RANBP3L: variants seen among roughly 807,000 people sequenced by gnomAD.
RANBP3L encodes ran-binding protein 3-like.
RANBP3L carries 56 observed loss-of-function variants against 67.2 expected under a neutral mutation model. The observed-to-expected ratio is 0.83, with a 90% CI of 0.67 to 1.04. RANBP3L has a LOEUF of 1.04. RANBP3L is among the 50% of genes least tolerant of loss of function. RANBP3L has a pLI of 0.00. For missense variants in RANBP3L, 496 were observed against 535.5 expected (o/e 0.93, Z 0.73); for synonymous variants, 164 against 181.4 (o/e 0.90, Z 0.77).
chr5:36,253,968 T>C (rs1462587780), intron 11 of RANBP3L, among the ~76,000 whole-genome samples, 179 bp from the exon 12 acceptor site: 1 of 152,132 alleles, frequency 6.6e-6, no homozygotes, highest in Non-Finnish European at 1.5e-5. Context: ...TGGGAGAACT[T>C]TTTTATCTTA....
At chr5:36,286,126 T>C (rs1751310791) in intron 1 of RANBP3L, among the ~76,000 whole-genome samples, 1 of 152,190 alleles carries the variant, frequency 6.6e-6, no homozygotes, top group African/African-American at 2.4e-5. Flanking sequence ...TGTTTGCTAA[T>C]TAATGTTTGT....
rs377766260 is a variant in RANBP3L, at chr5:36,269,372, A to G, written c.268+18T>C. 2.0e-5 allele frequency: 28 copies of G among 1,387,708 alleles called. No individual in the cohort carries two copies. The Middle Eastern group carries it at 1.2e-3, about 62-fold the overall frequency. 86.0% of individuals were successfully genotyped at this position (1,387,708 alleles called of 1,614,324 possible). A position where few individuals can be genotyped will look rare whatever the true frequency, so the allele number is the denominator to read the frequency against. On this transcript the variant is annotated intron_variant, in intron 4 of 13. Transcript: ENST00000296604. ...ATAAACATAACAGTGAATAGTCAAC[A>G]GTCAAGGCTATACATACCTCCCTGG... is the stretch of plus-strand genomic sequence containing the variant.
chr5:36,277,436 ATATATG>A (rs1449534622), intron 1 of RANBP3L, among the ~76,000 whole-genome samples: 21 of 93,544 alleles, frequency 2.2e-4, no homozygotes, highest in African/African-American at 8.6e-4. Flanking sequence ...ATATATATAT[ATATATG>A]TGTGTGTGTG....
intron 4 of RANBP3L, among the ~76,000 whole-genome samples, chr5:36,268,003 G>A (rs186915138): frequency 1.3e-5 from 2 of 152,234 alleles, no homozygotes; most frequent in Admixed American, 1.3e-4. Flanking sequence ...TCTACCAAAG[G>A]TAAAAACATA....
In RANBP3L at chr5:36,257,535, G is replaced by T; in HGVS notation, c.691C>A (p.Pro231Thr). The T allele has an allele frequency of 6.3e-7, 1 of 1,576,108 alleles. No individual in the cohort carries two copies. The highest frequency in any genetic ancestry group is 8.7e-7 in the Non-Finnish European group (1 of 1,155,232). Residue 231 changes from proline to threonine, a missense_variant, in exon 9 of 14, where the codon CCT (proline) becomes ACT (threonine). Coordinates refer to ENST00000296604, the MANE Select transcript of RANBP3L (RefSeq NM_145000.5). ...RVLGTQKLTQ[P>T]QLENDSYAKE... ...GCATATGAATCATTTTCAAGTTGAGGCTGGGTGAGTTTTTGAGTACCCTGA... is the reference window on the plus strand; with the variant it reads ...GCATATGAATCATTTTCAAGTTGAGTCTGGGTGAGTTTTTGAGTACCCTGA...
At chr5:36,275,344 T>A (rs1750498669) in intron 1 of RANBP3L, among the ~76,000 whole-genome samples, 1 of 152,220 alleles carries the variant, frequency 6.6e-6, no homozygotes, top group Admixed American at 6.5e-5. Context: ...ATACCATTAG[T>A]AAGTGGCAAC....
At chr5:36,271,101 A>G (rs570755811) in intron 2 of RANBP3L, 152 bp downstream of exon 2, 52 of 608,114 alleles carry the variant, frequency 8.6e-5, no homozygotes, top group Non-Finnish European at 1.3e-4. Context: ...AAGTTTGTAA[A>G]TCCTGACTAT....
At position 36,255,383 on chromosome 5, in the gene RANBP3L, C is replaced by T. The variant is rs376752451; in HGVS notation, c.1024+87G>A. 62 of 1,289,736 alleles carry T rather than the reference C, an allele frequency of 4.8e-5. No individual in the cohort carries two copies. In the African/African-American group the frequency reaches 7.2e-4, roughly 15 times the overall value. The allele number at this position is 1,289,736 out of a possible 1,614,324, so 79.9% of individuals were successfully genotyped here. A position where few individuals can be genotyped will look rare whatever the true frequency, so the allele number is the denominator to read the frequency against. On this transcript the variant is annotated intron_variant, in intron 11 of 13. Coordinates refer to ENST00000296604, the MANE Select transcript of RANBP3L (RefSeq NM_145000.5). ...TTTTGGTGTATTTTATAGCACATCTCCAGAAAATGATGTGTACCTATATTA... is the reference window on the plus strand; with the variant it reads ...TTTTGGTGTATTTTATAGCACATCTTCAGAAAATGATGTGTACCTATATTA...
At chr5:36,267,380 C>T (rs142764408) in intron 4 of RANBP3L, among the ~76,000 whole-genome samples, 2,449 of 151,956 alleles carry the variant, frequency 0.016, 81 homozygotes, top group African/African-American at 0.056. Context: ...GGGTGGTGTG[C>T]GCCTGTAGTC....
intron 1 of RANBP3L, among the ~76,000 whole-genome samples, chr5:36,291,372 T>G (rs1019044122): frequency 3.3e-5 from 5 of 151,710 alleles, no homozygotes; most frequent in African/African-American, 1.2e-4. Flanking sequence ...TTTTATTTTT[T>G]TTCAGTTTTA....
At chr5:36,286,800 C>T (rs1751353754) in intron 1 of RANBP3L, among the ~76,000 whole-genome samples, 1 of 152,130 alleles carries the variant, frequency 6.6e-6, no homozygotes. Flanking sequence ...TTTATTCTAC[C>T]TGGACTGCTC....
intron 4 of RANBP3L, among the ~76,000 whole-genome samples, chr5:36,269,172 C>T (rs539087618): frequency 1.3e-5 from 2 of 152,254 alleles, no homozygotes; most frequent in East Asian, 3.9e-4. Context: ...ATCATTGTGG[C>T]TTATGTCCTT....
intron 1 of RANBP3L, among the ~76,000 whole-genome samples, chr5:36,279,808 C>G (rs573139606): frequency 1.1e-3 from 164 of 152,230 alleles, no homozygotes; most frequent in African/African-American, 3.9e-3. Context: ...TCTGGGAAAT[C>G]TAGCATTTCT....
chr5:36,270,133 AC>A, intron 2 of RANBP3L, 143 bp from the exon 3 acceptor site: 1 of 694,466 alleles, frequency 1.4e-6, no homozygotes, highest in South Asian at 1.7e-5. Flanking sequence ...TCAGATTTCC[AC>A]CCTGCCACTT....
At chr5:36,265,282 A>G (rs1749680670) in intron 5 of RANBP3L, among the ~76,000 whole-genome samples, 167 bp downstream of exon 5, 1 of 152,204 alleles carries the variant, frequency 6.6e-6, no homozygotes, top group Non-Finnish European at 1.5e-5. Context: ...CTTTTGCCCA[A>G]TAACTATTCA....
At chr5:36,299,739 G>C (rs906047092) in intron 1 of RANBP3L, among the ~76,000 whole-genome samples, 1 of 152,044 alleles carries the variant, frequency 6.6e-6, no homozygotes, top group African/African-American at 2.4e-5. Flanking sequence ...GTAGAGAATT[G>C]CCTAAGGGAA....
rs1748640676 is a variant in RANBP3L, at chr5:36,252,179, T to C, written c.1168-680A>G. 2.6e-5 allele frequency among the ~76,000 whole-genome samples: 4 copies of C among 152,240 alleles called. No individual in the cohort carries two copies. The South Asian group carries it at 8.3e-4, about 32-fold the overall frequency. On this transcript the variant is annotated intron_variant, in intron 12 of 13. Coordinates refer to ENST00000296604, the MANE Select transcript of RANBP3L (RefSeq NM_145000.5). ...TATGCTTGTTTCCCTCTTCCCTTTA[T>C]GAATGAGGAAATTATGGCTCAGAAG...
chr5:36,251,132 G>T (rs979769125), intron 13 of RANBP3L, among the ~76,000 whole-genome samples, 181 bp downstream of exon 13: 5 of 152,038 alleles, frequency 3.3e-5, no homozygotes, highest in Non-Finnish European at 7.4e-5. Context: ...ATAAAATGAA[G>T]ACCACTTATA....
At position 36,247,673 on chromosome 5, in the gene RANBP3L, CAG is replaced by C. The variant is rs1748363011; in HGVS notation, c.*1979_*1980del. Among the ~76,000 whole-genome samples the C allele has an allele frequency of 6.6e-6, 1 of 152,088 alleles. No individual in the cohort carries two copies. Among genetic ancestry groups the C allele is most frequent in the Admixed American group, 6.6e-5 (1 of 15,266 alleles). ...TGAGGCAAAGTGTATCACTTGAGAT[CAG>C]GAGTTCAAGACCAGCCTGGCCAACA... On this transcript the variant is annotated 3_prime_UTR_variant, in exon 14 of 14. Transcript: ENST00000296604.
Sources: gnomAD v4.1 joint callset for allele counts (sites outside exome capture counted in the v4.1 genomes callset) on GRCh38, gnomAD v4.1.1 for gene constraint, MANE v1.5 for transcripts, NCBI Gene and HGNC (gene_info 2026-07-23, HGNC 2026-07-21) for gene names.